PBX3: variants seen among roughly 807,000 people sequenced by gnomAD.
The protein encoded by PBX3 is PBX homeobox 3.
Under a neutral mutation model 48.5 loss-of-function variants are expected in PBX3, and 14 were observed. The observed-to-expected ratio is 0.29, with a 90% CI of 0.19 to 0.45. The LOEUF is 0.45. Ranked by LOEUF, PBX3 falls within the 20% of genes least tolerant of loss-of-function variation. The probability of loss-of-function intolerance (pLI) is 1.00; values close to 1 mark genes in which losing one functional copy is unlikely to be tolerated. For missense variants in PBX3, 386 were observed against 546.7 expected (o/e 0.71, Z 2.93); for synonymous variants, 210 against 200.3 (o/e 1.05, Z -0.41).
At chr9:125,907,355 A>C (rs1841098403) in intron 2 of PBX3, among the ~76,000 whole-genome samples, 1 of 152,102 alleles carries the variant, frequency 6.6e-6, no homozygotes, top group Non-Finnish European at 1.5e-5. Flanking sequence ...TTTTGATTGT[A>C]GGACAGACAT....
At chr9:125,785,772 G>T (rs1837441457) in intron 2 of PBX3, among the ~76,000 whole-genome samples, 1 of 152,164 alleles carries the variant, frequency 6.6e-6, no homozygotes, top group African/African-American at 2.4e-5. Context: ...AACAAACATA[G>T]TTCTTGAGAA....
At chr9:125,843,807 T>C (rs925757045) in intron 2 of PBX3, 3 of 455,536 alleles carry the variant, frequency 6.6e-6, no homozygotes, top group African/African-American at 4.0e-5. Context: ...GTCTGGGAGA[T>C]GAGAGGTACA....
chr9:125,845,504 G>A (rs992576340), intron 2 of PBX3, among the ~76,000 whole-genome samples: 11 of 152,050 alleles, frequency 7.2e-5, no homozygotes, highest in Non-Finnish European at 1.6e-4. Flanking sequence ...ATCCGTAATT[G>A]AAATGGAAAA....
chr9:125,924,191 A>G (rs571729748), intron 3 of PBX3, among the ~76,000 whole-genome samples: 1 of 152,326 alleles, frequency 6.6e-6, no homozygotes, highest in East Asian at 1.9e-4. Context: ...AAAAATAACA[A>G]CAAGCTATTA....
chr9:125,870,397 G>C (rs1840092358), intron 2 of PBX3, among the ~76,000 whole-genome samples: 1 of 152,116 alleles, frequency 6.6e-6, no homozygotes, highest in Non-Finnish European at 1.5e-5. Context: ...GGTGGCAGAC[G>C]AGAGAATTTG....
rs926314600 is a variant in PBX3 at position 125,805,170 on chromosome 9, T to TA, written c.274+56558dup. 1.7e-3 allele frequency among the ~76,000 whole-genome samples: 245 copies of TA among 145,560 alleles called. 3 individuals carry two copies. In the South Asian group the frequency reaches 0.021, roughly 13 times the overall value. On this transcript the variant is annotated intron_variant, in intron 2 of 8. Transcript: ENST00000373489. The stretch of plus-strand genomic sequence containing the variant: ...ACTGGTGGATGAGAAGGAGCAGGCT[T>TA]AAAAAAAAAAACTGGGAGAAGAGCA...
rs561665455 is a variant in PBX3, at chr9:125,802,804, G to A, written c.274+54181G>A. On this transcript the variant is annotated intron_variant, in intron 2 of 8. Coordinates refer to ENST00000373489, the MANE Select transcript of PBX3 (RefSeq NM_006195.6). ...AGCAATTCTCCTGCTTCAGCCTCCC[G>A]AGTAGCTGGGATTACAGGTGCATGC... Among the ~76,000 whole-genome samples the A allele has an allele frequency of 5.1e-4, 77 of 151,490 alleles. 1 individual carries two copies. The South Asian group carries it at 0.014, about 27-fold the overall frequency.
chr9:125,933,301 C>T (rs1206681381), intron 4 of PBX3, among the ~76,000 whole-genome samples: 1 of 152,176 alleles, frequency 6.6e-6, no homozygotes. Context: ...TGCACCAATG[C>T]AAAACATTTA....
intron 2 of PBX3, among the ~76,000 whole-genome samples, chr9:125,889,822 C>G (rs2132380266): frequency 6.7e-6 from 1 of 148,384 alleles, no homozygotes; most frequent in African/African-American, 2.4e-5. Flanking sequence ...GGATCGCCGT[C>G]CGCCGCTCCG....
chr9:125,890,207 T>G (rs1030482517), intron 2 of PBX3, among the ~76,000 whole-genome samples: 5 of 152,174 alleles, frequency 3.3e-5, no homozygotes, highest in African/African-American at 1.2e-4. Flanking sequence ...ATAACCACCA[T>G]GTGAACATTT....
intron 2 of PBX3, among the ~76,000 whole-genome samples, chr9:125,791,057 G>A (rs554404024): frequency 6.6e-6 from 1 of 152,192 alleles, no homozygotes; most frequent in Non-Finnish European, 1.5e-5. Flanking sequence ...TGGGATTACA[G>A]GTGCCTGCCA....
At position 125,781,525 on chromosome 9, in the gene PBX3, GGTGACC is replaced by G. The variant is rs1191206393; in HGVS notation, c.274+32904_274+32909del. Among the ~76,000 whole-genome samples, 271 of 147,170 alleles carry G rather than the reference GGTGACC, an allele frequency of 1.8e-3. 1 individual carries two copies. Among genetic ancestry groups the G allele is most frequent in the African/African-American group, 6.5e-3 (258 of 39,646 alleles). Reference sequence around the variant, plus strand: ...GGAGACCATGGAAAGAGAGGGAGAGGGTGACCGAGAGGGAGAGGGGAGAGGGGAGAG... The same window carrying G: ...GGAGACCATGGAAAGAGAGGGAGAGGGAGAGGGAGAGGGGAGAGGGGAGAG... On this transcript the variant is annotated intron_variant, in intron 2 of 8. Coordinates refer to ENST00000373489, the MANE Select transcript of PBX3 (RefSeq NM_006195.6).
At chr9:125,863,663 T>C (rs1223307253) in intron 2 of PBX3, among the ~76,000 whole-genome samples, 8 of 152,194 alleles carry the variant, frequency 5.3e-5, no homozygotes, top group Non-Finnish European at 1.0e-4. Context: ...GGTTAATACA[T>C]TGTGGGAAGA....
rs781541413 is a variant in PBX3 at position 125,747,639 on chromosome 9, C to T, written c.186C>T (p.Asp62=). 8.2e-6 allele frequency: 13 copies of T among 1,591,918 alleles called. No individual in the cohort carries two copies. In the Admixed American group the frequency reaches 1.4e-4, roughly 17 times the overall value. The part of the protein sequence containing the change: ...QIMTITDQSL[D]EAQAKKHALN... Reference sequence around the variant, plus strand: ...TGACCATCACCGACCAGAGCTTGGACGAGGCGCAAGCAAAGTTGGTGTCGT... The same window carrying T: ...TGACCATCACCGACCAGAGCTTGGATGAGGCGCAAGCAAAGTTGGTGTCGT... Residue 62 remains aspartate, a synonymous_variant, in exon 1 of 9, where the codon GAC becomes GAT. Coordinates refer to ENST00000373489, the MANE Select transcript of PBX3 (RefSeq NM_006195.6).
intron 2 of PBX3, among the ~76,000 whole-genome samples, chr9:125,780,995 ATGGGATGG>A (rs1837287408): frequency 1.0e-5 from 1 of 95,798 alleles, no homozygotes; most frequent in Non-Finnish European, 2.0e-5. Context: ...CACTTCCTAG[ATGGGATGG>A]CGGCCGGGCA....
rs1374710018 is a variant in PBX3, at chr9:125,751,980, GA to G, written c.274+3364del. 7.9e-5 allele frequency among the ~76,000 whole-genome samples: 12 copies of G among 151,668 alleles called. No homozygotes were observed. The East Asian group carries it at 1.2e-3, about 15-fold the overall frequency. ...AGTGAAGGAAATAGTTCTTTTTCAA[GA>G]AAAAAATATTTATTTTTTAAATGAA... On this transcript the variant is annotated intron_variant, in intron 2 of 8. Transcript: ENST00000373489.
intron 2 of PBX3, among the ~76,000 whole-genome samples, chr9:125,806,041 G>T (rs1838115206): frequency 1.3e-5 from 2 of 152,126 alleles, no homozygotes; most frequent in African/African-American, 4.8e-5. Flanking sequence ...TATGATAACT[G>T]CTTGGAGAAA....
At chr9:125,934,580 C>T (rs1474985552) in intron 4 of PBX3, among the ~76,000 whole-genome samples, 2 of 152,116 alleles carry the variant, frequency 1.3e-5, no homozygotes, top group Admixed American at 6.6e-5. Flanking sequence ...GTCTGTTACC[C>T]CCTTCCCAAC....
intron 2 of PBX3, among the ~76,000 whole-genome samples, chr9:125,840,424 CAT>C (rs1839258113): frequency 6.6e-6 from 1 of 151,514 alleles, no homozygotes; most frequent in Non-Finnish European, 1.5e-5. Context: ...GGTGTAGTAA[CAT>C]ATTTTTTTCT....
Sources: gnomAD v4.1 joint callset for allele counts (sites outside exome capture counted in the v4.1 genomes callset) on GRCh38, gnomAD v4.1.1 for gene constraint, MANE v1.5 for transcripts, NCBI Gene and HGNC (gene_info 2026-07-23, HGNC 2026-07-21) for gene names.